The following GALK2 variants were observed in gnomAD, a reference collection of about 807,000 sequenced individuals.
GALK2 encodes the protein N-acetylgalactosamine kinase.
GALK2 carries 36 observed loss-of-function variants against 52.4 expected under a neutral mutation model. The ratio of observed to expected loss-of-function variants is 0.69; its 90% CI spans 0.53 to 0.91. The LOEUF (loss-of-function observed/expected upper bound fraction) is 0.91. Among genes scored for constraint, GALK2 ranks in the 40% least tolerant of loss-of-function variants. The probability of loss-of-function intolerance (pLI) is 0.00; values close to 1 mark genes in which losing one functional copy is unlikely to be tolerated. For synonymous variants in GALK2, 176 were observed against 199.1 expected (o/e 0.88, Z 0.98); for missense variants, 579 against 559.1 (o/e 1.04, Z -0.36).
At chr15:49,319,423 A>G (rs986335900) in intron 8 of GALK2, among the ~76,000 whole-genome samples, 181 bp from the exon 9 acceptor site, 32 of 152,218 alleles carry the variant, frequency 2.1e-4, no homozygotes, top group African/African-American at 7.5e-4. Flanking sequence ...GAAAAAAGTA[A>G]ACCTGACTTG....
rs115428115 is a variant in GALK2, at chr15:49,341,840, A to G, written c.426+22035A>G. 2.0e-3 allele frequency among the ~76,000 whole-genome samples: 302 copies of G among 152,144 alleles called. 3 individuals carry two copies. Among genetic ancestry groups the G allele is most frequent in the African/African-American group, 7.0e-3 (290 of 41,508 alleles). ...GGGCAATTTGTTTGATTTTCATTCA[A>G]TTGTGTGGTTTTGGGAAATCTTTTT... On this transcript the variant is annotated intron_variant, in intron 3 of 3. Transcript: ENST00000558399.
chr15:49,251,370 G>T (rs1328963018), intron 5 of GALK2, among the ~76,000 whole-genome samples: 3 of 152,068 alleles, frequency 2.0e-5, no homozygotes, highest in Non-Finnish European at 4.4e-5. Flanking sequence ...ATGCATTCAT[G>T]ATAAAAACTC....
At chr15:49,346,778 G>A (rs1205763843) in intron 3 of GALK2, among the ~76,000 whole-genome samples, 2 of 152,066 alleles carry the variant, frequency 1.3e-5, no homozygotes, top group Non-Finnish European at 2.9e-5. Flanking sequence ...AGCAAGCTGT[G>A]GCCAGAATCT....
At chr15:49,302,926 A>G (rs1391430316) in intron 8 of GALK2, among the ~76,000 whole-genome samples, 1 of 152,240 alleles carries the variant, frequency 6.6e-6, no homozygotes, top group Non-Finnish European at 1.5e-5. Flanking sequence ...AACAAAGTAT[A>G]AAAGAATAAA....
At chr15:49,297,239 T>C (rs1448672874) in intron 8 of GALK2, among the ~76,000 whole-genome samples, 1 of 152,218 alleles carries the variant, frequency 6.6e-6, no homozygotes, top group Admixed American at 6.5e-5. Flanking sequence ...TTTTGAGAAG[T>C]ATCTGTCCAT....
At chr15:49,184,720 A>T (rs1277437778) in intron 1 of GALK2, among the ~76,000 whole-genome samples, 2 of 152,238 alleles carry the variant, frequency 1.3e-5, no homozygotes, top group African/African-American at 4.8e-5. Context: ...AATTACAAAA[A>T]GAAACAAACG....
At chr15:49,274,457 G>A (rs1356469119) in intron 5 of GALK2, among the ~76,000 whole-genome samples, 1 of 152,230 alleles carries the variant, frequency 6.6e-6, no homozygotes, top group Non-Finnish European at 1.5e-5. Context: ...AGGACTGGCA[G>A]TTGCTCTGGG....
At chr15:49,178,257 TATAA>T (rs2085658684) in intron 1 of GALK2, 1 of 140,326 alleles carries the variant, frequency 7.1e-6, no homozygotes. Context: ...TGTCTATATG[TATAA>T]ATAAAAATAT....
chr15:49,333,100 C>T (rs2039085379), downstream of GALK2, among the ~76,000 whole-genome samples: 1 of 152,140 alleles, frequency 6.6e-6, no homozygotes, highest in African/African-American at 2.4e-5. Context: ...GTTAAAATCA[C>T]TCCCTCTTCC....
chr15:49,355,491 C>T (rs937671169), intron 3 of GALK2, among the ~76,000 whole-genome samples: 12 of 151,730 alleles, frequency 7.9e-5, no homozygotes, highest in Non-Finnish European at 1.2e-4. Flanking sequence ...AGGGTATCAG[C>T]GATGGAAGAT....
Position 49,327,952 on chromosome 15 carries a change from G to T in GALK2, c.1170G>T (p.Arg390=). ...PELDQLVDIC[R]KFGAQGSRLT... ...AATATTTTTTTCCTCACTGTTTTAG[G>T]AAGTTTGGGGCTCAAGGGTCACGAC... Residue 390 remains arginine (R), a splice_region_variant and synonymous_variant, in exon 10 of 10, where the codon CGG becomes CGT. Coordinates refer to ENST00000560031, the MANE Select transcript of GALK2 (RefSeq NM_002044.4). 1 of 1,606,154 alleles carries T rather than the reference G, an allele frequency of 6.2e-7. No individual in the cohort carries two copies. The highest frequency in any genetic ancestry group is 8.5e-7 in the Non-Finnish European group (1 of 1,175,446).
chr15:49,190,822 T>C (rs1039614836), intron 1 of GALK2, among the ~76,000 whole-genome samples: 2 of 152,194 alleles, frequency 1.3e-5, no homozygotes, highest in Non-Finnish European at 2.9e-5. Context: ...GTTGTTTCTG[T>C]ATGTCACTTC....
At chr15:49,238,137 A>G (rs971542639) in intron 4 of GALK2, among the ~76,000 whole-genome samples, 1 of 152,204 alleles carries the variant, frequency 6.6e-6, no homozygotes, top group Non-Finnish European at 1.5e-5. Context: ...TATAATAGGT[A>G]TGATGAAATG....
At chr15:49,162,327 C>G (rs2084680734) in intron 1 of GALK2, among the ~76,000 whole-genome samples, 1 of 152,054 alleles carries the variant, frequency 6.6e-6, no homozygotes, top group South Asian at 2.1e-4. Flanking sequence ...TTGGTTGTTT[C>G]TTTTTATTGC....
chr15:49,234,675 C>T lies in GALK2; in HGVS notation c.267-1176C>T, dbSNP rs542178639. 4.7e-4 allele frequency among the ~76,000 whole-genome samples: 71 copies of T among 152,282 alleles called. 1 individual carries two copies. Among genetic ancestry groups the T allele is most frequent in the African/African-American group, 1.4e-3 (59 of 41,554 alleles). Reference sequence around the variant, plus strand: ...AGATCCACCCCCCATGATTCAGTTACCTACCATCAGGTCCCTCCCACAACG... The same window carrying T: ...AGATCCACCCCCCATGATTCAGTTATCTACCATCAGGTCCCTCCCACAACG... On this transcript the variant is annotated intron_variant, in intron 3 of 9. Coordinates refer to ENST00000560031, the MANE Select transcript of GALK2 (RefSeq NM_002044.4).
chr15:49,192,920 G>A (rs2086879487), intron 1 of GALK2, among the ~76,000 whole-genome samples: 1 of 151,870 alleles, frequency 6.6e-6, no homozygotes, highest in Non-Finnish European at 1.5e-5. Context: ...CAAGTACTGG[G>A]ATTACAGGTG....
intron 3 of GALK2, among the ~76,000 whole-genome samples, chr15:49,229,582 C>G (rs1039441294): frequency 6.6e-6 from 1 of 152,074 alleles, no homozygotes. Flanking sequence ...TTGGTCACAG[C>G]CATTCTTAGT....
intron 3 of GALK2, among the ~76,000 whole-genome samples, chr15:49,231,205 C>T (rs1438733214): frequency 1.3e-5 from 2 of 152,066 alleles, no homozygotes; most frequent in Non-Finnish European, 2.9e-5. Flanking sequence ...AGGCAAATTA[C>T]AAACATGGTG....
intron 8 of GALK2, among the ~76,000 whole-genome samples, chr15:49,296,690 C>A (rs1178359616): frequency 1.3e-5 from 2 of 152,110 alleles, no homozygotes; most frequent in Non-Finnish European, 2.9e-5. Context: ...ACCTCTGCCT[C>A]CCTGGTTCAA....
Sources: allele counts gnomAD v4.1 joint callset (sites outside exome capture counted in the v4.1 genomes callset), GRCh38; gene constraint gnomAD v4.1.1; transcripts MANE v1.5; gene names NCBI Gene and HGNC (gene_info 2026-07-23, HGNC 2026-07-21).